Variants in MTARC2 observed in about 807,000 individuals in gnomAD.
The protein encoded by MTARC2 is MOCO sulphurase C-terminal domain containing 2.
MTARC2 carries 27 observed loss-of-function variants against 35.6 expected under a neutral mutation model. That is an observed-to-expected ratio of 0.76 (90% confidence interval 0.56 to 1.04). MTARC2 has a LOEUF of 1.04. MTARC2 is among the 50% of genes least tolerant of loss of function. The probability of loss-of-function intolerance (pLI) is 0.00; values close to 1 mark genes in which losing one functional copy is unlikely to be tolerated. For missense variants in MTARC2, 412 were observed against 432.5 expected, an observed-to-expected ratio of 0.95 and a Z score of 0.42; for synonymous variants, 158 against 167.1, an observed-to-expected ratio of 0.95 and a Z score of 0.42.
At chr1:220,771,317 A>AAAAAAAC in intron 4 of MTARC2, among the ~76,000 whole-genome samples, 1 of 150,930 alleles carries the variant, frequency 6.6e-6, no homozygotes, top group African/African-American at 2.4e-5. Context: ...AAAAAAAAAA[A>AAAAAAAC]AAGCCTTAGG....
chr1:220,770,377 T>G, intron 4 of MTARC2: 2 of 985,418 alleles, frequency 2.0e-6, no homozygotes, highest in Non-Finnish European at 2.4e-6. Flanking sequence ...ATGTTACATT[T>G]CAGACCAAGG....
At position 220,751,101 on chromosome 1, in the gene MTARC2, C is replaced by G. The variant is rs12023149; in HGVS notation, c.272+2298C>G. Among the ~76,000 whole-genome samples the G allele has an allele frequency of 8.4e-3, 1,280 of 152,326 alleles. 28 individuals are homozygous for G. Among genetic ancestry groups the G allele is most frequent in the East Asian group, 0.068 (350 of 5,182 alleles). Reference sequence around the variant, plus strand: ...TTCTCCACCTGACAATTTAATAACACTACTACAAATGTTCCTAGAGTTCAG... The same window carrying G: ...TTCTCCACCTGACAATTTAATAACAGTACTACAAATGTTCCTAGAGTTCAG... On this transcript the variant is annotated intron_variant, in intron 1 of 7. Transcript: ENST00000366913.
intron 4 of MTARC2, among the ~76,000 whole-genome samples, chr1:220,777,628 C>A (rs1308220819): frequency 6.6e-6 from 1 of 152,150 alleles, no homozygotes; most frequent in African/African-American, 2.4e-5. Context: ...GCCCCGTACC[C>A]CAATGCCTCC....
intron 4 of MTARC2, among the ~76,000 whole-genome samples, chr1:220,768,982 A>C (rs939845162): frequency 2.0e-5 from 3 of 152,180 alleles, no homozygotes; most frequent in African/African-American, 7.2e-5. Flanking sequence ...TGCCTTGATT[A>C]GGAAAAGCTC....
At chr1:220,780,381 C>T (rs556876944) in intron 6 of MTARC2, 142 bp downstream of exon 6, 37 of 645,526 alleles carry the variant, frequency 5.7e-5, no homozygotes, top group Admixed American at 1.7e-4. Context: ...GACTGATTCG[C>T]GTCTATTGGT....
At chr1:220,749,364 G>C (rs1671070555) in intron 1 of MTARC2, among the ~76,000 whole-genome samples, 1 of 151,852 alleles carries the variant, frequency 6.6e-6, no homozygotes, top group Non-Finnish European at 1.5e-5. Context: ...TCACAGCCTG[G>C]AACTTTGGGA....
rs72472396 is a variant in MTARC2, at chr1:220,779,479, T to C, written c.751-539T>C. ...ATTGAGTTAATCCCTGAGGCAAGTG[T>C]TAGTGGTTCCCACGTTCAAGGGTGG... On this transcript the variant is annotated intron_variant, in intron 4 of 7. Transcript: ENST00000366913. Among the ~76,000 whole-genome samples the C allele has an allele frequency of 5.6e-3, 857 of 152,274 alleles. 10 individuals are homozygous for C. The highest frequency in any genetic ancestry group is 0.02 in the African/African-American group (835 of 41,544).
intron 4 of MTARC2, among the ~76,000 whole-genome samples, chr1:220,763,393 ATC>A (rs2102553442): frequency 6.6e-6 from 1 of 152,326 alleles, no homozygotes. Flanking sequence ...CCACTTCTCT[ATC>A]ACTCAGCAGA....
rs3056885 is a variant in MTARC2 at position 220,773,964 on chromosome 1, AACACACAC to A, written c.751-6036_751-6029del. Among the ~76,000 whole-genome samples, 5 of 148,522 alleles carry A rather than the reference AACACACAC, an allele frequency of 3.4e-5. No homozygotes were observed. The East Asian group carries it at 5.9e-4, about 18-fold the overall frequency. The stretch of plus-strand genomic sequence containing the variant: ...ATGGAATCATCCTCTATTATATATA[AACACACAC>A]ACACACACACACACACATATAAAAT... On this transcript the variant is annotated intron_variant, in intron 4 of 7. Transcript: ENST00000366913.
chr1:220,763,237 G>T (rs1671490469), intron 4 of MTARC2, among the ~76,000 whole-genome samples, 187 bp downstream of exon 4: 1 of 152,062 alleles, frequency 6.6e-6, no homozygotes, highest in South Asian at 2.1e-4. Context: ...CTGGCCTCGG[G>T]GGGCGTTGCT....
chr1:220,760,569 G>A (rs12046425), intron 2 of MTARC2, among the ~76,000 whole-genome samples: 2,033 of 152,144 alleles, frequency 0.013, 33 homozygotes, highest in East Asian at 0.06. Context: ...ATTTTATGGG[G>A]TTCATTAAGC....
At chr1:220,766,648 C>A (rs1313743980) in intron 4 of MTARC2, among the ~76,000 whole-genome samples, 3 of 151,878 alleles carry the variant, frequency 2.0e-5, no homozygotes. Context: ...AATCCTGAGC[C>A]AAGGAAATAA....
chr1:220,773,976 C>G (rs545826949), intron 4 of MTARC2, among the ~76,000 whole-genome samples: 1 of 151,868 alleles, frequency 6.6e-6, no homozygotes, highest in African/African-American at 2.4e-5. Flanking sequence ...CACACACACA[C>G]ACACACACAC....
intron 4 of MTARC2, among the ~76,000 whole-genome samples, chr1:220,765,658 G>A (rs1395882637): frequency 1.3e-5 from 2 of 152,016 alleles, no homozygotes; most frequent in Non-Finnish European, 2.9e-5. Flanking sequence ...CTGCAGCCTC[G>A]AACTCCCCAG....
At position 220,748,476 on chromosome 1, in the gene MTARC2, C is replaced by G; in HGVS notation, c.-56C>G. 1.5e-6 allele frequency: 2 copies of G among 1,346,810 alleles called. No individual in the cohort carries two copies. The highest frequency in any genetic ancestry group is 3.1e-5 in the East Asian group (1 of 31,872). The allele number at this position is 1,346,810 out of a possible 1,614,324, so 83.4% of individuals were successfully genotyped here. A position where few individuals can be genotyped will look rare whatever the true frequency, so the allele number is the denominator to read the frequency against. On this transcript the variant is annotated 5_prime_UTR_variant, in exon 1 of 8. Coordinates refer to ENST00000366913, the MANE Select transcript of MTARC2 (RefSeq NM_017898.5). ...ATCCTTAAGGGCCTCCTCGTCCTCCCGGTCTCCGGTCGCTGCCGGGTCTGT... is the reference window on the plus strand; with the variant it reads ...ATCCTTAAGGGCCTCCTCGTCCTCCGGGTCTCCGGTCGCTGCCGGGTCTGT...
chr1:220,782,715 C>T (rs72473908), intron 7 of MTARC2, among the ~76,000 whole-genome samples: 1 of 152,150 alleles, frequency 6.6e-6, no homozygotes, highest in Non-Finnish European at 1.5e-5. Context: ...ACCTGACCCT[C>T]CTTAAGGACA....
intron 7 of MTARC2, among the ~76,000 whole-genome samples, chr1:220,782,931 CAAAT>C (rs1167763051): frequency 8.5e-5 from 13 of 152,172 alleles, no homozygotes; most frequent in Non-Finnish European, 1.8e-4. Context: ...CGCTGCAACA[CAAAT>C]AAAGTGCTCA....
chr1:220,771,566 C>T (rs1671745551), intron 4 of MTARC2, among the ~76,000 whole-genome samples: 1 of 152,122 alleles, frequency 6.6e-6, no homozygotes, highest in Non-Finnish European at 1.5e-5. Context: ...GAGTCTGGAA[C>T]CAGGGCTGTG....
rs2102559018 is a variant in MTARC2 at position 220,769,097 on chromosome 1, C to T, written c.750+6047C>T. Among the ~76,000 whole-genome samples, 3 of 152,286 alleles carry T rather than the reference C, an allele frequency of 2.0e-5. No homozygotes were observed. In the South Asian group the frequency reaches 6.2e-4, roughly 32 times the overall value. Reference sequence around the variant, plus strand: ...GAACTCCTTTACTTAAGGAGATCTCCTTCTACATTTGCTTTTTTGATTACA... The same window carrying T: ...GAACTCCTTTACTTAAGGAGATCTCTTTCTACATTTGCTTTTTTGATTACA... On this transcript the variant is annotated intron_variant, in intron 4 of 7. Coordinates refer to ENST00000366913, the MANE Select transcript of MTARC2 (RefSeq NM_017898.5).
Sources: allele counts gnomAD v4.1 joint callset (sites outside exome capture counted in the v4.1 genomes callset), GRCh38; gene constraint gnomAD v4.1.1; transcripts MANE v1.5; gene names NCBI Gene and HGNC (gene_info 2026-07-23, HGNC 2026-07-21).